CCDC178: variants seen among roughly 807,000 people sequenced by gnomAD.
CCDC178 encodes coiled-coil domain containing 178.
In CCDC178, 126 loss-of-function variants were observed where a neutral mutation model predicts 117.4. The ratio of observed to expected loss-of-function variants is 1.07; its 90% CI spans 0.93 to 1.24. The LOEUF is 1.24. Among genes scored for constraint, CCDC178 ranks in the 50% most tolerant of loss-of-function variants. The pLI, the probability that CCDC178 is intolerant of heterozygous loss-of-function variation, is 0.00. For synonymous variants in CCDC178, 283 were observed against 313.4 expected (o/e 0.90, Z 1.02); for missense variants, 1,030 against 986.9 (o/e 1.04, Z -0.59).
chr18:33,289,293 T>C (rs1406435776), intron 12 of CCDC178, among the ~76,000 whole-genome samples: 1 of 152,146 alleles, frequency 6.6e-6, no homozygotes, highest in African/African-American at 2.4e-5. Context: ...TCTTGAATCT[T>C]ATTTGCAAGA....
At chr18:33,077,077 G>C (rs563893343) in intron 21 of CCDC178, among the ~76,000 whole-genome samples, 10 of 152,246 alleles carry the variant, frequency 6.6e-5, no homozygotes, top group Non-Finnish European at 1.3e-4. Context: ...TTATTACTAA[G>C]CATTGCTTAA....
chr18:33,202,804 C>G (rs1458323491), intron 20 of CCDC178, among the ~76,000 whole-genome samples: 1 of 152,200 alleles, frequency 6.6e-6, no homozygotes, highest in Non-Finnish European at 1.5e-5. Flanking sequence ...TAAGTGTAAA[C>G]TTTTCACTGA....
intron 21 of CCDC178, among the ~76,000 whole-genome samples, chr18:33,018,627 C>A (rs545727408): frequency 6.6e-6 from 1 of 151,966 alleles, no homozygotes; most frequent in African/African-American, 2.4e-5. Flanking sequence ...AAGAAAGAAG[C>A]CAGTGACGAA....
At chr18:33,096,666 A>G (rs75039257) in intron 20 of CCDC178, among the ~76,000 whole-genome samples, 2,628 of 152,188 alleles carry the variant, frequency 0.017, 40 homozygotes, top group Non-Finnish European at 0.028. Flanking sequence ...AGCAAAAATG[A>G]AATAAAGTCA....
intron 18 of CCDC178, among the ~76,000 whole-genome samples, chr18:33,221,508 G>A (rs1001536095): frequency 2.6e-5 from 4 of 152,054 alleles, no homozygotes; most frequent in Non-Finnish European, 5.9e-5. Flanking sequence ...AAGGCAAAGA[G>A]GTATGTATAA....
intron 20 of CCDC178, among the ~76,000 whole-genome samples, chr18:33,116,363 CTG>C (rs1409904559): frequency 3.3e-5 from 5 of 152,144 alleles, no homozygotes; most frequent in African/African-American, 1.2e-4. Flanking sequence ...AGAAATGAAA[CTG>C]TGGATAGACA....
At chr18:33,235,839 A>G (rs982608366) in intron 15 of CCDC178, among the ~76,000 whole-genome samples, 7 of 152,184 alleles carry the variant, frequency 4.6e-5, no homozygotes, top group Non-Finnish European at 7.4e-5. Flanking sequence ...CTATAATTGA[A>G]TACATATTAC....
chr18:33,346,680 TGAAG>T (rs2062898934), intron 8 of CCDC178, among the ~76,000 whole-genome samples: 1 of 152,074 alleles, frequency 6.6e-6, no homozygotes, highest in African/African-American at 2.4e-5. Flanking sequence ...CCATTTTATC[TGAAG>T]GAAAAAACAC....
At chr18:33,364,217 G>A (rs2063169073) in intron 6 of CCDC178, among the ~76,000 whole-genome samples, 2 of 152,080 alleles carry the variant, frequency 1.3e-5, no homozygotes, top group East Asian at 3.9e-4. Flanking sequence ...CCACGTAAAT[G>A]CTTGTGTTCT....
At chr18:33,403,155 G>T (rs1257606521) in intron 3 of CCDC178, among the ~76,000 whole-genome samples, 1 of 152,156 alleles carries the variant, frequency 6.6e-6, no homozygotes, top group African/African-American at 2.4e-5. Context: ...GTGCCAGAAG[G>T]AAAGGCTAAG....
intron 21 of CCDC178, among the ~76,000 whole-genome samples, chr18:32,993,213 A>G (rs944119099): frequency 2.0e-5 from 3 of 152,168 alleles, no homozygotes; most frequent in Non-Finnish European, 4.4e-5. Context: ...AGGAAGCAGT[A>G]CTTGACTCTG....
At chr18:33,030,522 A>AAGATAGATAGATAGATGAT (rs2056316036) in intron 21 of CCDC178, among the ~76,000 whole-genome samples, 1 of 140,778 alleles carries the variant, frequency 7.1e-6, no homozygotes, top group African/African-American at 2.8e-5. Context: ...GAACTGATAG[A>AAGATAGATAGATAGATGAT]AGATAGATAG....
intron 21 of CCDC178, among the ~76,000 whole-genome samples, chr18:32,993,323 G>A (rs962600171): frequency 3.9e-5 from 6 of 152,166 alleles, no homozygotes; most frequent in Admixed American, 1.3e-4. Context: ...CCATCAGAGT[G>A]CCAAGGCAGT....
intron 20 of CCDC178, among the ~76,000 whole-genome samples, chr18:33,171,479 C>T (rs1030234321): frequency 2.6e-5 from 4 of 152,150 alleles, no homozygotes; most frequent in African/African-American, 4.8e-5. Context: ...AGAGATAATA[C>T]GGGATCAGAA....
intron 6 of CCDC178, among the ~76,000 whole-genome samples, chr18:33,363,917 G>T (rs1015275304): frequency 1.3e-5 from 2 of 151,998 alleles, no homozygotes; most frequent in African/African-American, 4.8e-5. Context: ...TTGTCTTCTG[G>T]ATCCACATCT....
chr18:33,316,476 C>G, intron 11 of CCDC178, among the ~76,000 whole-genome samples: 1 of 152,174 alleles, frequency 6.6e-6, no homozygotes, highest in South Asian at 2.1e-4. Flanking sequence ...TCCCCCCACA[C>G]GCCGTGGGCT....
At chr18:33,131,981 T>C (rs766009609) in intron 20 of CCDC178, among the ~76,000 whole-genome samples, 1 of 147,604 alleles carries the variant, frequency 6.8e-6, no homozygotes, top group African/African-American at 2.6e-5. Context: ...ATTGATTGTT[T>C]GTTTGTTTCT....
intron 15 of CCDC178, among the ~76,000 whole-genome samples, chr18:33,241,434 G>GTGTA (rs1240558482): frequency 6.0e-4 from 2 of 3,356 alleles, no homozygotes; most frequent in African/African-American, 8.6e-4. Context: ...ATGATCGTGT[G>GTGTA]TGTGTGTGTG....
At chr18:33,212,081 A>G in intron 19 of CCDC178, 26 bp from the exon 20 acceptor site, 1 of 1,507,108 alleles carries the variant, frequency 6.6e-7, no homozygotes. Context: ...TCCATGTGCC[A>G]CTAATCAATT....
Sources: gnomAD v4.1 joint callset for allele counts (sites outside exome capture counted in the v4.1 genomes callset) on GRCh38, gnomAD v4.1.1 for gene constraint, MANE v1.5 for transcripts, NCBI Gene and HGNC (gene_info 2026-07-23, HGNC 2026-07-21) for gene names.